Variants in CSMD1 observed in about 807,000 individuals in gnomAD.
The protein encoded by CSMD1 is CUB and sushi domain-containing protein 1.
A neutral mutation model predicts 417.5 loss-of-function variants in CSMD1; 213 were observed. The ratio of observed to expected loss-of-function variants is 0.51; its 90% confidence interval spans 0.46 to 0.57. The LOEUF (loss-of-function observed/expected upper bound fraction) is 0.57, where lower values mean the gene tolerates loss of function less well. Among genes scored for constraint, CSMD1 ranks in the 20% least tolerant of loss-of-function variants. CSMD1 has a pLI of 0.00. For synonymous variants in CSMD1, 2,862 were observed against 1,736.8 expected (o/e 1.65, Z -16.11); for missense variants, 6,923 against 4,529.7 (o/e 1.53, Z -15.17).
At chr8:3,228,682 A>G (rs993163174) in intron 27 of CSMD1, among the ~76,000 whole-genome samples, 1 of 152,154 alleles carries the variant, frequency 6.6e-6, no homozygotes. Context: ...TACATGTTCA[A>G]ATTAATATAA....
intron 38 of CSMD1, among the ~76,000 whole-genome samples, chr8:3,161,111 T>C (rs1035669925): frequency 6.6e-6 from 1 of 152,238 alleles, no homozygotes; most frequent in Non-Finnish European, 1.5e-5. Context: ...TCGACCTATA[T>C]ATTTCTCCTG....
chr8:4,056,002 A>T lies in CSMD1; in HGVS notation c.416-23903T>A, dbSNP rs555602562. Among the ~76,000 whole-genome samples, 3 of 151,826 alleles carry T rather than the reference A, an allele frequency of 2.0e-5. No homozygotes were observed. The South Asian group carries it at 6.3e-4, about 32-fold the overall frequency. The stretch of plus-strand genomic sequence containing the variant: ...CCTACTAGAAGGCTCTGTTATGGAA[A>T]ATTGTAGTCTACACAGATTTCCTCC... On this transcript the variant is annotated intron_variant, in intron 3 of 69. Coordinates refer to ENST00000635120, the MANE Select transcript of CSMD1 (RefSeq NM_033225.6).
At chr8:4,344,499 AT>A (rs1254852166) in intron 3 of CSMD1, among the ~76,000 whole-genome samples, 1 of 151,550 alleles carries the variant, frequency 6.6e-6, no homozygotes. Flanking sequence ...CTATTTTTTC[AT>A]TTTCATAAAA....
chr8:3,374,022 G>C (rs1436590079), intron 18 of CSMD1, among the ~76,000 whole-genome samples: 2 of 149,362 alleles, frequency 1.3e-5, no homozygotes, highest in African/African-American at 2.5e-5. Flanking sequence ...GTGAGATCTT[G>C]GCTCACTGCA....
chr8:4,864,990 A>G, intron 1 of CSMD1, among the ~76,000 whole-genome samples: 1 of 151,180 alleles, frequency 6.6e-6, no homozygotes, highest in African/African-American at 2.4e-5. Context: ...TAATTTGAAA[A>G]TTTAGTCTGA....
intron 10 of CSMD1, among the ~76,000 whole-genome samples, chr8:3,566,751 T>C (rs1262432630): frequency 2.0e-5 from 3 of 152,190 alleles, no homozygotes; most frequent in South Asian, 4.1e-4. Flanking sequence ...CCAGTTGGAA[T>C]GGCTATTATT....
At chr8:4,983,943 G>A (rs1026602497) in intron 1 of CSMD1, among the ~76,000 whole-genome samples, 1 of 152,080 alleles carries the variant, frequency 6.6e-6, no homozygotes, top group African/African-American at 2.4e-5. Flanking sequence ...CCTCAATGGC[G>A]AGAAAACTGA....
At position 4,885,537 on chromosome 8, in the gene CSMD1, G is replaced by A. The variant is rs1182917514; in HGVS notation, c.85+108795C>T. The stretch of plus-strand genomic sequence containing the variant: ...TTCTTGTTTGTTGATTTTATTATGA[G>A]GAGGTGTTGGATTTTGTCAAATGCT... On this transcript the variant is annotated intron_variant, in intron 1 of 69. Coordinates refer to ENST00000635120, the MANE Select transcript of CSMD1 (RefSeq NM_033225.6). 3.3e-5 allele frequency among the ~76,000 whole-genome samples: 5 copies of A among 151,984 alleles called. No homozygotes were observed. The East Asian group carries it at 7.7e-4, about 23-fold the overall frequency.
chr8:3,659,639 G>C (rs1272517856), intron 7 of CSMD1, among the ~76,000 whole-genome samples: 1 of 152,128 alleles, frequency 6.6e-6, no homozygotes, highest in East Asian at 1.9e-4. Flanking sequence ...TAGTGGTGAT[G>C]TGGCAAAGCA....
intron 3 of CSMD1, among the ~76,000 whole-genome samples, chr8:4,355,080 G>A (rs981322781): frequency 3.3e-5 from 5 of 151,874 alleles, no homozygotes; most frequent in African/African-American, 1.2e-4. Context: ...GGCTAACATG[G>A]TGAAACCCCG....
chr8:3,688,366 T>TAAA (rs1585078062), intron 7 of CSMD1, among the ~76,000 whole-genome samples: 1 of 152,200 alleles, frequency 6.6e-6, no homozygotes, highest in Non-Finnish European at 1.5e-5. Flanking sequence ...CCAGTGATAT[T>TAAA]TATAAAGGAG....
At chr8:4,918,726 C>T (rs1165694514) in intron 1 of CSMD1, among the ~76,000 whole-genome samples, 4 of 152,122 alleles carry the variant, frequency 2.6e-5, no homozygotes, top group African/African-American at 9.7e-5. Context: ...TCACCAAGAA[C>T]TTTCCAGTAA....
intron 7 of CSMD1, among the ~76,000 whole-genome samples, chr8:3,666,721 C>G (rs1013885864): frequency 2.0e-5 from 3 of 152,090 alleles, no homozygotes; most frequent in African/African-American, 7.2e-5. Flanking sequence ...AAGGGGAAAC[C>G]CCTTTGGCTT....
At chr8:3,915,137 A>T (rs1444097863) in intron 5 of CSMD1, among the ~76,000 whole-genome samples, 1 of 152,022 alleles carries the variant, frequency 6.6e-6, no homozygotes, top group Non-Finnish European at 1.5e-5. Context: ...TGGGAGTAGT[A>T]GTTCACGCCT....
chr8:4,342,043 G>C (rs1800506693), intron 3 of CSMD1, among the ~76,000 whole-genome samples: 1 of 152,090 alleles, frequency 6.6e-6, no homozygotes, highest in Non-Finnish European at 1.5e-5. Flanking sequence ...TTCTTGATAT[G>C]AATTTGGAGC....
chr8:3,274,965 G>C (rs903047528), intron 26 of CSMD1, among the ~76,000 whole-genome samples: 4 of 152,090 alleles, frequency 2.6e-5, no homozygotes, highest in African/African-American at 9.7e-5. Context: ...ATTTGATCCT[G>C]TCATTATGAT....
chr8:3,636,359 G>C (rs967050071), intron 7 of CSMD1, among the ~76,000 whole-genome samples: 2 of 152,172 alleles, frequency 1.3e-5, no homozygotes, highest in South Asian at 2.1e-4. Context: ...TGGATTTTTA[G>C]TAGAGATGAG....
At chr8:4,672,499 A>G (rs1000775458) in intron 1 of CSMD1, among the ~76,000 whole-genome samples, 2 of 152,220 alleles carry the variant, frequency 1.3e-5, no homozygotes, top group African/African-American at 4.8e-5. Context: ...ACTGATGAAA[A>G]AAAGCTTTAA....
At chr8:3,345,561 A>G (rs1807934967) in intron 22 of CSMD1, among the ~76,000 whole-genome samples, 1 of 152,194 alleles carries the variant, frequency 6.6e-6, no homozygotes, top group African/African-American at 2.4e-5. Flanking sequence ...GGAACAGGCT[A>G]CACCTGTTCT....
Sources: gnomAD v4.1 joint callset for allele counts (sites outside exome capture counted in the v4.1 genomes callset) on GRCh38, gnomAD v4.1.1 for gene constraint, MANE v1.5 for transcripts, NCBI Gene and HGNC (gene_info 2026-07-23, HGNC 2026-07-21) for gene names.